The following CEP152 variants were observed in gnomAD, a reference collection of about 807,000 sequenced individuals.
CEP152 encodes the protein centrosomal protein of 152 kDa.
Under a neutral mutation model 188.9 loss-of-function variants are expected in CEP152, and 132 were observed. The ratio of observed to expected loss-of-function variants is 0.70; its 90% CI spans 0.61 to 0.81. The LOEUF (loss-of-function observed/expected upper bound fraction) is 0.81, where lower values mean the gene tolerates loss of function less well. Ranked by LOEUF, CEP152 falls within the 30% of genes least tolerant of loss-of-function variation. The pLI is 0.00. For missense variants in CEP152, 1,914 were observed against 1,969.8 expected (o/e 0.97, Z 0.54); for synonymous variants, 649 against 666.6 (o/e 0.97, Z 0.41).
intron 12 of CEP152, 112 bp downstream of exon 12, chr15:48,781,082 TAC>T: frequency 1.1e-6 from 1 of 903,994 alleles, no homozygotes; most frequent in South Asian, 1.4e-5. Context: ...CTGCATTCAA[TAC>T]ACAGTGTTAA....
chr15:48,795,872 G>T lies in CEP152; in HGVS notation c.691+138C>A, dbSNP rs987942936. 6.7e-6 allele frequency: 5 copies of T among 751,610 alleles called. No individual in the cohort carries two copies. The Admixed American group carries it at 1.0e-4, about 15-fold the overall frequency. 46.6% of individuals were successfully genotyped at this position (751,610 alleles called of 1,614,324 possible). A position where few individuals can be genotyped will look rare whatever the true frequency, so the allele number is the denominator to read the frequency against. ...TCTAGTATATATCTCTAAAAATAAG[G>T]GCTCTTTGAAATATCAAGCACAATT... On this transcript the variant is annotated intron_variant, in intron 6 of 26. Coordinates refer to ENST00000380950, the MANE Select transcript of CEP152 (RefSeq NM_001194998.2).
chr15:48,790,459 TGAG>T (rs1179213136), intron 8 of CEP152, among the ~76,000 whole-genome samples: 7 of 152,226 alleles, frequency 4.6e-5, no homozygotes, highest in Admixed American at 3.9e-4. Flanking sequence ...ACCTGAAGGA[TGAG>T]GAGAAGCCAG....
intron 26 of CEP152, among the ~76,000 whole-genome samples, chr15:48,740,020 TG>T (rs1892842032): frequency 6.6e-6 from 1 of 152,224 alleles, no homozygotes; most frequent in African/African-American, 2.4e-5. Context: ...CATGGACCCC[TG>T]AACAATCTCA....
chr15:48,756,022 T>C lies in CEP152; in HGVS notation c.3226A>G (p.Thr1076Ala), dbSNP rs1029453867. The C allele has an allele frequency of 6.2e-7, 1 of 1,614,100 alleles. No individual in the cohort carries two copies. The highest frequency in any genetic ancestry group is 8.5e-7 in the Non-Finnish European group (1 of 1,179,982). ...EDKQLLEIMS[T>A]CSSKWMSVQY... ...ACAGACATCCATTTTGAAGAACAAG[T>C]CGACATGATTTCCAAAAGCTGCTTG... The change falls in exon 20 of 27, where the codon ACT (threonine) becomes GCT (alanine). Residue 1076 changes from threonine (T) to alanine (A), a missense_variant. By Grantham distance (58) the Thr-to-Ala change is moderately conservative. Coordinates refer to ENST00000380950, the MANE Select transcript of CEP152 (RefSeq NM_001194998.2).
At chr15:48,786,126 C>G (rs999015873) in intron 9 of CEP152, among the ~76,000 whole-genome samples, 1 of 151,976 alleles carries the variant, frequency 6.6e-6, no homozygotes, top group Non-Finnish European at 1.5e-5. Context: ...GACATAGAAA[C>G]CAAAGTCCAT....
At chr15:48,769,443 A>T (rs1020853508) in intron 13 of CEP152, among the ~76,000 whole-genome samples, 13 of 152,208 alleles carry the variant, frequency 8.5e-5, no homozygotes, top group Non-Finnish European at 1.9e-4. Flanking sequence ...TAAGAATACT[A>T]ACCCGTTATT....
Position 48,797,669 on chromosome 15 carries a change from T to G in CEP152, c.253A>C (p.Ser85Arg). The change falls in exon 4 of 27, where the codon AGT becomes CGT. Residue 85 changes from serine to arginine, a missense_variant. Coordinates refer to ENST00000380950, the MANE Select transcript of CEP152 (RefSeq NM_001194998.2). ...TCACACCAGATACTTACATTTACAC[T>G]TTGAGATTTGGGCAGCATTTGCTCA... ...WNEQMLPKSQ[S>R]VNGYNEIQSL... 6.2e-7 allele frequency: 1 copy of G among 1,614,116 alleles called. No homozygotes were observed. Among genetic ancestry groups the G allele is most frequent in the South Asian group, 1.1e-5 (1 of 91,074 alleles).
chr15:48,761,726 G>A (rs1894703126), intron 18 of CEP152, among the ~76,000 whole-genome samples: 1 of 152,092 alleles, frequency 6.6e-6, no homozygotes. Context: ...AAATTGTAAA[G>A]GAGTCCTGGG....
intron 13 of CEP152, 70 bp from the exon 14 acceptor site, chr15:48,769,151 T>A (rs1286736492): frequency 3.0e-6 from 4 of 1,318,976 alleles, no homozygotes; most frequent in Non-Finnish European, 4.3e-6. Context: ...AATACTTCCA[T>A]ACTTTAAAAA....
At chr15:48,743,230 A>C (rs1401795092) in intron 24 of CEP152, among the ~76,000 whole-genome samples, 1 of 152,220 alleles carries the variant, frequency 6.6e-6, no homozygotes. Flanking sequence ...GCTTTGTAGA[A>C]CATCTACACG....
chr15:48,772,517 C>T lies in CEP152; in HGVS notation c.1752G>A (p.Val584=), dbSNP rs1309118700. 2 of 1,613,346 alleles carry T rather than the reference C, an allele frequency of 1.2e-6. No individual in the cohort carries two copies. The highest frequency in any genetic ancestry group is 1.7e-5 in the Admixed American group (1 of 60,000). ...CHKKIEDLHQ[V]KKDEKSIEVE... ...CCTCAATGCTTTTTTCATCCTTCTT[C>T]ACTTGGTGGAGATCTTCAATTTTCT... is the stretch of plus-strand genomic sequence containing the variant. The change falls in exon 13 of 27, where the codon GTG becomes GTA. Residue 584 remains valine, a synonymous_variant. Coordinates refer to ENST00000380950, the MANE Select transcript of CEP152 (RefSeq NM_001194998.2).
chr15:48,788,924 T>C lies in CEP152; in HGVS notation c.1050A>G (p.Glu350=). Residue 350 remains glutamate (E), a synonymous_variant, in exon 9 of 27, where the codon GAA becomes GAG. Transcript: ENST00000380950. ...KQQLVDLHHS[E]SLQRAREQHE... ...GCTGTTCTCTAGCTCGTTGAAGTGA[T>C]TCAGAATGATGAAGGTCCACCAGCT... The C allele has an allele frequency of 4.3e-6, 7 of 1,614,194 alleles. No homozygotes were observed. The highest frequency in any genetic ancestry group is 5.9e-6 in the Non-Finnish European group (7 of 1,180,020).
intron 10 of CEP152, among the ~76,000 whole-genome samples, chr15:48,782,602 A>T (rs1454676735): frequency 6.6e-6 from 1 of 152,212 alleles, no homozygotes; most frequent in East Asian, 1.9e-4. Flanking sequence ...CCCTGCAATA[A>T]GAAAACTATA....
At chr15:48,766,227 G>A (rs1195047538) in intron 17 of CEP152, among the ~76,000 whole-genome samples, 1 of 152,138 alleles carries the variant, frequency 6.6e-6, no homozygotes, top group Non-Finnish European at 1.5e-5. Flanking sequence ...TTCTTTTTAA[G>A]TGTGTGGTAG....
In CEP152 at chr15:48,762,575, C is replaced by A. The variant is rs2289178; in HGVS notation, c.2378G>T (p.Ser793Ile). The change falls in exon 18 of 27, where the codon AGC becomes ATC. Residue 793 changes from serine to isoleucine, a missense_variant. Transcript: ENST00000380950. ...AMKKKTLDCG[S>I]QTDQVTTSDV... ...ACTGGTGGTTACTTGGTCAGTTTGG[C>A]TGCCACAATCTAAGGTCTTCTTTTT... 9.0e-3 allele frequency: 14,466 copies of A among 1,614,020 alleles called. 1,283 individuals carry two copies. The East Asian group carries it at 0.22, about 24-fold the overall frequency.
chr15:48,760,336 G>T lies in CEP152; in HGVS notation c.2563-70C>A, dbSNP rs116150006. The stretch of plus-strand genomic sequence containing the variant: ...TTAAAAAAGATCCCATTTTTAAACA[G>T]CAATTATGATTTCAGTATTTTATAC... On this transcript the variant is annotated intron_variant, in intron 18 of 26. Transcript: ENST00000380950. The T allele has an allele frequency of 6.2e-4, 975 of 1,562,072 alleles. 9 individuals carry two copies. In the African/African-American group the frequency reaches 0.012, roughly 20 times the overall value.
intron 26 of CEP152, among the ~76,000 whole-genome samples, chr15:48,739,805 T>C (rs1163176621): frequency 6.6e-6 from 1 of 152,210 alleles, no homozygotes; most frequent in Non-Finnish European, 1.5e-5. Flanking sequence ...AGGCATTGTA[T>C]CTCAGAGTAG....
In CEP152 at chr15:48,781,324, G is replaced by C. The variant is rs758563422; in HGVS notation, c.1449C>G (p.Leu483=). 1 of 1,610,430 alleles carries C rather than the reference G, an allele frequency of 6.2e-7. No homozygotes were observed. Among genetic ancestry groups the C allele is most frequent in the Admixed American group, 1.7e-5 (1 of 59,972 alleles). Residue 483 remains leucine, a synonymous_variant, in exon 12 of 27, where the codon CTC becomes CTG. Coordinates refer to ENST00000380950, the MANE Select transcript of CEP152 (RefSeq NM_001194998.2). ...TTCCTAGTTTTGCAGCAGATTCATA[G>C]AGAGAAATTTCATCTTTTAGTTCTG... is the stretch of plus-strand genomic sequence containing the variant. ...ELTELKDEIS[L]YESAAKLGIH...
rs1231938855 is a variant in CEP152, at chr15:48,762,467, T to G, written c.2486A>C (p.Asp829Ala). The stretch of plus-strand genomic sequence containing the variant: ...CTTCATAGCCCCCTTGATGGCTATG[T>G]CCTTCTCTTGTTCTAAGTTTTGCTG... Reference protein sequence around the residue: ...TIQQNLEQEKDIAIKGAMKKL... With the variant: ...TIQQNLEQEKAIAIKGAMKKL... Residue 829 changes from aspartate to alanine, a missense_variant, in exon 18 of 27, where the codon GAC becomes GCC. By Grantham distance (126) the Asp-to-Ala change is moderately radical. Transcript: ENST00000380950. 1 of 1,614,064 alleles carries G rather than the reference T, an allele frequency of 6.2e-7. No homozygotes were observed. The highest frequency in any genetic ancestry group is 8.5e-7 in the Non-Finnish European group (1 of 1,179,944).
Sources: allele counts gnomAD v4.1 joint callset (sites outside exome capture counted in the v4.1 genomes callset), GRCh38; gene constraint gnomAD v4.1.1; transcripts MANE v1.5; gene names NCBI Gene and HGNC (gene_info 2026-07-23, HGNC 2026-07-21).